The following FHIT variants were observed in gnomAD, a reference collection of about 807,000 sequenced individuals.
FHIT encodes bis(5'-adenosyl)-triphosphatase.
A neutral mutation model predicts 17.9 loss-of-function variants in FHIT; 19 were observed. The ratio of observed to expected loss-of-function variants is 1.06; its 90% CI spans 0.74 to 1.56. FHIT has a LOEUF of 1.56. Ranked by LOEUF, FHIT falls within the 40% of genes most tolerant of loss-of-function variation. The probability of loss-of-function intolerance (pLI) is 0.00; values close to 1 mark genes in which losing one functional copy is unlikely to be tolerated. For missense variants in FHIT, 248 were observed against 189.2 expected, an observed-to-expected ratio of 1.31 and a Z score of -1.82; for synonymous variants, 81 against 69.7, an observed-to-expected ratio of 1.16 and a Z score of -0.81.
At chr3:59,825,809 T>A (rs1236629182) in intron 8 of FHIT, among the ~76,000 whole-genome samples, 1 of 152,182 alleles carries the variant, frequency 6.6e-6, no homozygotes, top group Non-Finnish European at 1.5e-5. Context: ...GGCCAAGCTT[T>A]GAAGGACAGG....
At chr3:60,610,207 C>T (rs1169134653) in intron 4 of FHIT, among the ~76,000 whole-genome samples, 2 of 152,090 alleles carry the variant, frequency 1.3e-5, no homozygotes, top group African/African-American at 4.8e-5. Flanking sequence ...TTAAAAAATG[C>T]CTTTTTATTG....
chr3:60,157,692 A>G (rs1369714634), intron 5 of FHIT, among the ~76,000 whole-genome samples: 2 of 152,180 alleles, frequency 1.3e-5, no homozygotes, highest in African/African-American at 4.8e-5. Context: ...TGCACAGTGA[A>G]TAAGTCCATC....
chr3:59,870,294 G>A (rs1040104741), intron 8 of FHIT, among the ~76,000 whole-genome samples: 1 of 152,178 alleles, frequency 6.6e-6, no homozygotes, highest in African/African-American at 2.4e-5. Flanking sequence ...CCATTCCCAT[G>A]TCACAGGTGA....
At chr3:60,000,352 T>C (rs1001902311) in intron 7 of FHIT, among the ~76,000 whole-genome samples, 1 of 152,250 alleles carries the variant, frequency 6.6e-6, no homozygotes, top group East Asian at 1.9e-4. Context: ...AAAGTTTTAT[T>C]GGAATACGGC....
chr3:60,352,073 C>G (rs1255299983), intron 5 of FHIT, among the ~76,000 whole-genome samples: 2 of 152,148 alleles, frequency 1.3e-5, no homozygotes, highest in Admixed American at 1.3e-4. Context: ...GATAAGAAAC[C>G]ATGGCTCTCA....
chr3:60,734,012 A>G (rs1352710051), intron 4 of FHIT, among the ~76,000 whole-genome samples: 2 of 152,198 alleles, frequency 1.3e-5, no homozygotes, highest in Non-Finnish European at 2.9e-5. Flanking sequence ...CTTTATCTGA[A>G]TAATGAAAGA....
rs762946085 is a variant in FHIT, at chr3:60,030,846, AAAAT to A, written c.104-16698_104-16695del. ...TGAATTACTGTTTCATTAATAAATA[AAAAT>A]AAATAAATAAAAGCTAAAACTATTA... is the stretch of plus-strand genomic sequence containing the variant. On this transcript the variant is annotated intron_variant, in intron 5 of 9. Transcript: ENST00000492590. Among the ~76,000 whole-genome samples, 74 of 152,348 alleles carry A rather than the reference AAAAT, an allele frequency of 4.9e-4. No homozygotes were observed. In the Middle Eastern group the frequency reaches 0.01, roughly 21 times the overall value.
intron 3 of FHIT, among the ~76,000 whole-genome samples, chr3:60,978,763 C>A (rs1315501076): frequency 2.0e-5 from 3 of 152,130 alleles, no homozygotes; most frequent in Admixed American, 1.3e-4. Flanking sequence ...GACTAAAGAG[C>A]CTAAAGCACA....
chr3:60,267,453 G>T (rs904057870), intron 5 of FHIT, among the ~76,000 whole-genome samples: 10 of 152,020 alleles, frequency 6.6e-5, no homozygotes, highest in Admixed American at 2.6e-4. Flanking sequence ...TCAATAATAT[G>T]ATTTTTGTCA....
intron 3 of FHIT, among the ~76,000 whole-genome samples, chr3:60,966,499 C>T (rs900386741): frequency 2.6e-5 from 4 of 152,204 alleles, no homozygotes; most frequent in African/African-American, 9.6e-5. Context: ...GCAGAAATCA[C>T]CCATCTTCTG....
chr3:60,961,184 T>C (rs1415035643), intron 3 of FHIT, among the ~76,000 whole-genome samples: 1 of 152,244 alleles, frequency 6.6e-6, no homozygotes, highest in Non-Finnish European at 1.5e-5. Context: ...TGACGGCCAG[T>C]GATGATGAGC....
chr3:60,892,522 G>A (rs1216904471), intron 3 of FHIT, among the ~76,000 whole-genome samples: 7 of 152,094 alleles, frequency 4.6e-5, no homozygotes, highest in South Asian at 2.1e-4. Context: ...TATATTAGAC[G>A]TCTATAACTC....
Position 61,014,835 on chromosome 3 carries a change from T to A in FHIT, c.-111+27212A>T, listed in dbSNP as rs2032016683. On this transcript the variant is annotated intron_variant, in intron 3 of 9. Transcript: ENST00000492590. Reference sequence around the variant, plus strand: ...ATATATATATATATATGTATACACATCCTTATATATGTATATATATGTATA... The same window carrying A: ...ATATATATATATATATGTATACACAACCTTATATATGTATATATATGTATA... 3.9e-5 allele frequency among the ~76,000 whole-genome samples: 5 copies of A among 129,786 alleles called. No individual in the cohort carries two copies. The Admixed American group carries it at 4.0e-4, about 10-fold the overall frequency. The allele number at this position is 129,786 out of a possible 152,430, so 85.1% of individuals were successfully genotyped here.
intron 3 of FHIT, among the ~76,000 whole-genome samples, chr3:60,896,478 C>T (rs1401051776): frequency 6.6e-6 from 1 of 152,216 alleles, no homozygotes; most frequent in Non-Finnish European, 1.5e-5. Flanking sequence ...CCTCCTTCCA[C>T]AGTGATAAGC....
At chr3:60,699,894 A>C (rs924813093) in intron 4 of FHIT, among the ~76,000 whole-genome samples, 10 of 152,018 alleles carry the variant, frequency 6.6e-5, no homozygotes, top group African/African-American at 2.4e-4. Context: ...CTGTAATCCC[A>C]ACACTTTGGG....
At chr3:59,891,259 C>A (rs889153420) in intron 8 of FHIT, among the ~76,000 whole-genome samples, 1 of 152,148 alleles carries the variant, frequency 6.6e-6, no homozygotes, top group Non-Finnish European at 1.5e-5. Context: ...ATGAGGAAGG[C>A]GTGGCCTCTT....
At chr3:60,533,223 C>G (rs866234553) in intron 5 of FHIT, among the ~76,000 whole-genome samples, 2 of 152,140 alleles carry the variant, frequency 1.3e-5, no homozygotes, top group African/African-American at 2.4e-5. Context: ...ACTGAAACAT[C>G]TGGAAAAAAG....
chr3:60,953,372 T>A (rs1553777794), intron 3 of FHIT, among the ~76,000 whole-genome samples: 1 of 152,180 alleles, frequency 6.6e-6, no homozygotes, highest in African/African-American at 2.4e-5. Context: ...TCGAACTGGA[T>A]TCCAACTATA....
At chr3:60,228,205 T>G (rs1704307873) in intron 5 of FHIT, among the ~76,000 whole-genome samples, 1 of 152,186 alleles carries the variant, frequency 6.6e-6, no homozygotes, top group African/African-American at 2.4e-5. Flanking sequence ...ATGAAACCAC[T>G]GGCTCTGACA....
Sources: allele counts gnomAD v4.1 joint callset (sites outside exome capture counted in the v4.1 genomes callset), GRCh38; gene constraint gnomAD v4.1.1; transcripts MANE v1.5; gene names NCBI Gene and HGNC (gene_info 2026-07-23, HGNC 2026-07-21).